Variants in TASOR2 observed in about 807,000 individuals in gnomAD.
TASOR2 encodes protein TASOR 2.
A neutral mutation model predicts 199.5 loss-of-function variants in TASOR2; 84 were observed. The observed-to-expected ratio is 0.42, with a 90% CI of 0.35 to 0.50. TASOR2 has a LOEUF of 0.50. Ranked by LOEUF, TASOR2 falls within the 20% of genes least tolerant of loss-of-function variation. TASOR2 has a pLI of 0.02. For missense variants in TASOR2, 2,796 were observed against 2,835.9 expected (o/e 0.99, Z 0.32); for synonymous variants, 1,103 against 1,046.6 (o/e 1.05, Z -1.04).
intron 6 of TASOR2, 128 bp downstream of exon 7, chr10:5,721,098 T>C: frequency 3.0e-6 from 2 of 658,898 alleles, no homozygotes; most frequent in South Asian, 4.0e-5. Flanking sequence ...TAGATGAGGG[T>C]ATATTTGGGT....
intron 11 of TASOR2, among the ~76,000 whole-genome samples, chr10:5,733,196 C>T (rs572630838): frequency 6.6e-6 from 1 of 152,186 alleles, no homozygotes; most frequent in African/African-American, 2.4e-5. Context: ...CAGTCTGATA[C>T]CTTCTATTCT....
At chr10:5,739,403 C>T (rs1201027648) in intron 12 of TASOR2, among the ~76,000 whole-genome samples, 1 of 151,982 alleles carries the variant, frequency 6.6e-6, no homozygotes, top group East Asian at 1.9e-4. Context: ...TTGAAAGAGA[C>T]CTTAATCCAA....
intron 17 of TASOR2, 88 bp downstream of exon 18, chr10:5,757,761 G>T (rs1453083816): frequency 7.0e-7 from 1 of 1,428,346 alleles, no homozygotes; most frequent in East Asian, 2.3e-5. Context: ...CAAAAGAAAT[G>T]ATCAACTCTA....
chr10:5,754,788 A>G lies in TASOR2; in HGVS notation c.6607-1825A>G, dbSNP rs952894655. ...GCCGGGCGCGGTGGCTCACGCCTGT[A>G]ATCCCAGCACTTTGGGAGGCCGAGG... On this transcript the variant is annotated intron_variant, in intron 15 of 20. Coordinates refer to ENST00000328090, the Ensembl canonical transcript of TASOR2. This position sits in a 1 kb window ranked among gnomAD's most constrained non-coding sequence, Gnocchi z 4.3. Among the ~76,000 whole-genome samples the G allele has an allele frequency of 1.2e-4, 19 of 152,160 alleles. No homozygotes were observed. The highest frequency in any genetic ancestry group is 2.1e-4 in the Non-Finnish European group (14 of 68,034).
chr10:5,746,975 C>T (rs1484448884), exon 15 of TASOR2: 2 of 1,614,092 alleles, frequency 1.2e-6, no homozygotes, highest in Admixed American at 3.3e-5. Context: ...GATTTCCTTT[C>T]ACAGACTCAG....
At chr10:5,746,254 A>G (rs1355819225) in exon 15 of TASOR2, 2 of 1,613,924 alleles carry the variant, frequency 1.2e-6, no homozygotes, top group Admixed American at 3.3e-5. Flanking sequence ...AAGTACACAA[A>G]CTAATGGACC....
exon 15 of TASOR2, chr10:5,746,349 A>G (rs780367824): frequency 3.1e-6 from 5 of 1,614,178 alleles, no homozygotes; most frequent in Non-Finnish European, 4.2e-6. Flanking sequence ...CTCAAGCCAC[A>G]TTCACCAGGA....
At chr10:5,757,203 C>T (rs1275433650) in intron 16 of TASOR2, among the ~76,000 whole-genome samples, 3 of 152,234 alleles carry the variant, frequency 2.0e-5, no homozygotes, top group Non-Finnish European at 2.9e-5. Flanking sequence ...AGACGAATGA[C>T]GGCGAAGTGA....
chr10:5,751,964 T>C lies in TASOR2; in HGVS notation c.6606+1937T>C, dbSNP rs1006346552. Reference sequence around the variant, plus strand: ...TGAGGTTGACTCTGTTTATCCTCAGTGTTTTGACTTATTGTCCCTCCCAAG... The same window carrying C: ...TGAGGTTGACTCTGTTTATCCTCAGCGTTTTGACTTATTGTCCCTCCCAAG... On this transcript the variant is annotated intron_variant, in intron 15 of 20. Transcript: ENST00000328090. The surrounding 1 kb of genome is among the most constrained non-coding windows in gnomAD (Gnocchi z 5.3). 2.0e-5 allele frequency among the ~76,000 whole-genome samples: 3 copies of C among 152,134 alleles called. No homozygotes were observed. Among genetic ancestry groups the C allele is most frequent in the Non-Finnish European group, 4.4e-5 (3 of 68,014 alleles).
In TASOR2 at chr10:5,741,226, C is replaced by T. The variant is rs548478031; in HGVS notation, c.2327+729C>T. Among the ~76,000 whole-genome samples, 4 of 152,244 alleles carry T rather than the reference C, an allele frequency of 2.6e-5. No homozygotes were observed. In the South Asian group the frequency reaches 8.3e-4, roughly 32 times the overall value. On this transcript the variant is annotated intron_variant, in intron 13 of 20. Transcript: ENST00000328090. ...TCAATGGTGGATGACAGTCTGTGGC[C>T]AACATTTAATTATGTAGCTGTGTCC...
At chr10:5,723,691 A>G in exon 7 of TASOR2, 2 of 1,585,530 alleles carry the variant, frequency 1.3e-6, no homozygotes. Flanking sequence ...CAGGAACTAG[A>G]TTTTAAATAT....
exon 15 of TASOR2, chr10:5,747,465 A>G (rs774700393): frequency 1.3e-5 from 21 of 1,614,072 alleles, no homozygotes; most frequent in South Asian, 2.2e-5. Flanking sequence ...TATATCCCTC[A>G]GTGTCAGAAG....
In TASOR2 at chr10:5,752,746, G is replaced by C. The variant is rs925971825; in HGVS notation, c.6606+2719G>C. ...TCTGCCCTGCTCTTCTCATATGGAG[G>C]TGTGTAGCTGGCAAACACCACAGGG... On this transcript the variant is annotated intron_variant, in intron 15 of 20. Transcript: ENST00000328090. The surrounding 1 kb of genome is among the most constrained non-coding windows in gnomAD (Gnocchi z 4.4). 1.9e-4 allele frequency among the ~76,000 whole-genome samples: 29 copies of C among 152,212 alleles called. No individual in the cohort carries two copies. Among genetic ancestry groups the C allele is most frequent in the African/African-American group, 5.6e-4 (23 of 41,436 alleles).
chr10:5,749,448 A>G, exon 15 of TASOR2: 1 of 1,614,188 alleles, frequency 6.2e-7, no homozygotes, highest in Non-Finnish European at 8.5e-7. Flanking sequence ...CAAAGGAGTC[A>G]CCAACCCAGA....
chr10:5,732,960 A>T (rs1835036383), intron 11 of TASOR2, among the ~76,000 whole-genome samples: 1 of 152,212 alleles, frequency 6.6e-6, no homozygotes, highest in Non-Finnish European at 1.5e-5. Flanking sequence ...GCAGTGCACC[A>T]GACTATACAA....
intron 8 of TASOR2, among the ~76,000 whole-genome samples, chr10:5,725,543 G>T (rs1833949404): frequency 6.6e-6 from 1 of 152,088 alleles, no homozygotes; most frequent in Admixed American, 6.5e-5. Flanking sequence ...AAGGTGGGAG[G>T]ATCGCTTGAG....
In TASOR2 at chr10:5,691,055, A is replaced by G. The variant is rs542932423; in HGVS notation, c.-288+5880A>G. Among the ~76,000 whole-genome samples, 4 of 151,458 alleles carry G rather than the reference A, an allele frequency of 2.6e-5. No homozygotes were observed. The South Asian group carries it at 8.4e-4, about 32-fold the overall frequency. The stretch of plus-strand genomic sequence containing the variant: ...AAATACAAAAAATTAGCCGGGCATG[A>G]TGGTGCATGCCTGTAGTCCCAGCTT... On this transcript the variant is annotated intron_variant, in intron 1 of 20. Transcript: ENST00000328090.
chr10:5,712,624 CT>C, intron 1 of TASOR2, 198 bp from the exon 2 acceptor site: 2 of 1,133,156 alleles, frequency 1.8e-6, no homozygotes, highest in Non-Finnish European at 2.2e-6. Context: ...AAGCCTAGCA[CT>C]TTTTAGCTAT....
chr10:5,734,283 G>A (rs1312982460), intron 11 of TASOR2, among the ~76,000 whole-genome samples: 2 of 152,110 alleles, frequency 1.3e-5, no homozygotes, highest in African/African-American at 4.8e-5. Context: ...TTTATGCCAT[G>A]TGAGAAGCAA....
Sources: gnomAD v4.1 joint callset for allele counts (sites outside exome capture counted in the v4.1 genomes callset) on GRCh38, gnomAD v4.1.1 for gene constraint, Gnocchi (gnomAD v3.1) non-coding constraint, MANE v1.5 for transcripts, NCBI Gene and HGNC (gene_info 2026-07-23, HGNC 2026-07-21) for gene names.